Variants in NTRK1 observed in about 807,000 individuals in gnomAD.
NTRK1 encodes the protein high affinity nerve growth factor receptor.
In NTRK1, 62 loss-of-function variants were observed where a neutral mutation model predicts 86.8. The observed-to-expected ratio is 0.71, with a 90% confidence interval of 0.58 to 0.88. The LOEUF (loss-of-function observed/expected upper bound fraction) is 0.88, where lower values mean the gene tolerates loss of function less well. NTRK1 is among the 40% of genes least tolerant of loss of function. The pLI is 0.00. For synonymous variants in NTRK1, 469 were observed against 456.6 expected (o/e 1.03, Z -0.35); for missense variants, 967 against 1,078.4 (o/e 0.90, Z 1.45).
At chr1:156,856,046 T>C (rs137977629), upstream of NTRK1, among the ~76,000 whole-genome samples, 12 of 152,154 alleles carry the variant, frequency 7.9e-5, no homozygotes, top group East Asian at 2.1e-3. Context: ...CCTCTTCAAG[T>C]AATCCCTCTG....
intron 1 of NTRK1, chr1:156,841,566 C>G (rs377055667): frequency 8.7e-6 from 14 of 1,613,388 alleles, no homozygotes; most frequent in African/African-American, 2.7e-5. Context: ...CAGCACCCTT[C>G]GTGCTACTCA....
intron 3 of NTRK1, 102 bp downstream of exon 3, chr1:156,864,901 C>G: frequency 8.4e-7 from 1 of 1,186,484 alleles, no homozygotes; most frequent in Admixed American, 2.0e-5. Context: ...GAGGAGGGCC[C>G]AAGCCTGGTC....
At chr1:156,846,056 C>A (rs749463486) in intron 2 of NTRK1, 3 of 1,612,752 alleles carry the variant, frequency 1.9e-6, no homozygotes, top group Non-Finnish European at 2.5e-6. Flanking sequence ...CGGTGGCTTC[C>A]AGCGCACCAG....
chr1:156,831,191 G>A (rs946304606), intron 1 of NTRK1, among the ~76,000 whole-genome samples: 15 of 152,220 alleles, frequency 9.9e-5, no homozygotes, highest in African/African-American at 3.4e-4. Flanking sequence ...CCGTTAAGAA[G>A]TCATGGGTGG....
intron 16 of NTRK1, 109 bp downstream of exon 16, chr1:156,880,266 TG>T: frequency 1.6e-6 from 2 of 1,224,246 alleles, no homozygotes; most frequent in Non-Finnish European, 1.2e-6. Context: ...CACAGCCTGT[TG>T]GGGGGCCCTT....
chr1:156,840,913 G>A, intron 1 of NTRK1: 1 of 1,614,086 alleles, frequency 6.2e-7, no homozygotes, highest in Non-Finnish European at 8.5e-7. Context: ...GCAGTCTCTT[G>A]GAGTGGGTGA....
chr1:156,845,656 ACTT>A (rs1654970928), intron 2 of NTRK1: 3 of 1,610,924 alleles, frequency 1.9e-6, no homozygotes, highest in African/African-American at 1.3e-5. Context: ...AAGTTTTCAA[ACTT>A]CTTCTGGAAC....
chr1:156,876,665 A>G (rs1398282552), intron 14 of NTRK1, 93 bp downstream of exon 14: 3 of 1,425,498 alleles, frequency 2.1e-6, no homozygotes, highest in Non-Finnish European at 2.9e-6. Context: ...CTTTCAAACC[A>G]AGGGGAGACA....
chr1:156,816,063 G>A, intron 1 of NTRK1: 1 of 1,614,074 alleles, frequency 6.2e-7, no homozygotes, highest in Non-Finnish European at 8.5e-7. Context: ...TCTGGAAGGT[G>A]CTGAAGGTTG....
intron 11 of NTRK1, 139 bp downstream of exon 11, chr1:156,875,147 A>G (rs2102913216): frequency 1.4e-6 from 1 of 725,036 alleles, no homozygotes; most frequent in Non-Finnish European, 2.5e-6. Context: ...GTATAAATGA[A>G]GGCCTGGCTG....
intron 2 of NTRK1, chr1:156,845,745 A>G (rs1258528734): frequency 6.2e-7 from 1 of 1,613,588 alleles, no homozygotes; most frequent in Admixed American, 1.7e-5. Flanking sequence ...GTCGGACTCC[A>G]TCTCGGCCTC....
chr1:156,850,509 G>A (rs1489247318), intron 2 of NTRK1, among the ~76,000 whole-genome samples: 3 of 145,368 alleles, frequency 2.1e-5, no homozygotes, highest in African/African-American at 5.1e-5. Context: ...CACCGTGCCC[G>A]ACCTGGATGG....
chr1:156,815,843 T>C lies in NTRK1; in HGVS notation c.-64+5T>C. The C allele has an allele frequency of 6.2e-7, 1 of 1,614,098 alleles. No individual in the cohort carries two copies. Among genetic ancestry groups the C allele is most frequent in the Non-Finnish European group, 8.5e-7 (1 of 1,179,980 alleles). ...GCAACTCGGCGCATGAAGGAGGTAC[T>C]CCTCATTTTCGTTCTCTCTCTCTGT... On this transcript the variant is annotated splice_donor_5th_base_variant and intron_variant, in intron 1 of 16. Transcript: ENST00000392302.
At chr1:156,843,070 G>T (rs1368046320) in intron 2 of NTRK1, 4 of 1,614,156 alleles carry the variant, frequency 2.5e-6, no homozygotes, top group Non-Finnish European at 3.4e-6. Flanking sequence ...ATTCCCGTGG[G>T]CTGGCCAGCT....
chr1:156,829,447 C>A (rs963449945), intron 1 of NTRK1, among the ~76,000 whole-genome samples: 3 of 152,124 alleles, frequency 2.0e-5, no homozygotes, highest in Admixed American at 2.0e-4. Context: ...ACAGGTCCCT[C>A]CAGCCCAGAA....
At chr1:156,825,016 A>G (rs1197505524) in intron 1 of NTRK1, among the ~76,000 whole-genome samples, 1 of 152,178 alleles carries the variant, frequency 6.6e-6, no homozygotes, top group African/African-American at 2.4e-5. Context: ...CAGCCTCCCA[A>G]GTAGCTGGGA....
intron 1 of NTRK1, among the ~76,000 whole-genome samples, chr1:156,824,237 T>C (rs142400569): frequency 1.3e-5 from 2 of 152,318 alleles, no homozygotes; most frequent in African/African-American, 4.8e-5. Context: ...AGTGACCAGC[T>C]ATATGCTTGC....
rs1353289019 is a variant in NTRK1 at position 156,861,000 on chromosome 1, G to C, written c.66G>C (p.Leu22=). The C allele has an allele frequency of 6.5e-7, 1 of 1,533,238 alleles. No homozygotes were observed. The highest frequency in any genetic ancestry group is 8.7e-7 in the Non-Finnish European group (1 of 1,146,202). 95.0% of individuals were successfully genotyped at this position (1,533,238 alleles called of 1,614,324 possible). A position where few individuals can be genotyped will look rare whatever the true frequency, so the allele number is the denominator to read the frequency against. Residue 22 remains leucine (L), a synonymous_variant, in exon 1 of 17, where the codon CTG becomes CTC. Coordinates refer to ENST00000524377, the MANE Select transcript of NTRK1 (RefSeq NM_002529.4). The stretch of plus-strand genomic sequence containing the variant: ...GCTGGGCTGCGGGGCCGGGCAGCCT[G>C]CTGGCTTGGCTGATACTGGCATCTG... ...WHSWAAGPGS[L]LAWLILASAG...
intron 2 of NTRK1, chr1:156,844,325 G>A: frequency 6.4e-7 from 1 of 1,574,166 alleles, no homozygotes. Flanking sequence ...AGATGTAGAA[G>A]TCAGAGGGAA....
Sources: gnomAD v4.1 joint callset for allele counts (sites outside exome capture counted in the v4.1 genomes callset) on GRCh38, gnomAD v4.1.1 for gene constraint, MANE v1.5 for transcripts, NCBI Gene and HGNC (gene_info 2026-07-23, HGNC 2026-07-21) for gene names.